Variants in RNF157 observed in about 807,000 individuals in gnomAD.
The protein encoded by RNF157 is E3 ubiquitin ligase RNF157.
In RNF157, 55 loss-of-function variants were observed where a neutral mutation model predicts 88.3. That is an observed-to-expected ratio of 0.62 (90% CI 0.50 to 0.78). The LOEUF (loss-of-function observed/expected upper bound fraction) is 0.78. RNF157 is among the 30% of genes least tolerant of loss of function. The pLI is 0.00. For synonymous variants in RNF157, 334 were observed against 341.2 expected, an observed-to-expected ratio of 0.98 and a Z score of 0.23; for missense variants, 788 against 860.8, an observed-to-expected ratio of 0.92 and a Z score of 1.06.
intron 2 of RNF157, among the ~76,000 whole-genome samples, chr17:76,206,270 T>C (rs1419622489): frequency 6.6e-6 from 1 of 152,108 alleles, no homozygotes; most frequent in Non-Finnish European, 1.5e-5. Context: ...AAGGCATTAC[T>C]TGACTAATTT....
chr17:76,210,601 A>AAAAAAAAAAAAGAAAG (rs777083177), intron 2 of RNF157, among the ~76,000 whole-genome samples: 1 of 148,414 alleles, frequency 6.7e-6, no homozygotes, highest in African/African-American at 2.5e-5. Flanking sequence ...AAAAAAAAAA[A>AAAAAAAAAAAAGAAAG]AAAGAAAGAA....
chr17:76,225,943 G>A (rs1260520702), intron 1 of RNF157: 5 of 1,612,142 alleles, frequency 3.1e-6, no homozygotes, highest in Admixed American at 3.4e-5. Flanking sequence ...CTGCTGTCTT[G>A]TTTTGCTCCA....
At chr17:76,169,460 T>C (rs550861022) in intron 3 of RNF157, among the ~76,000 whole-genome samples, 124 of 152,102 alleles carry the variant, frequency 8.2e-4, no homozygotes, top group Non-Finnish European at 1.5e-3. Flanking sequence ...TATATAGAGA[T>C]GGGGTCTCAC....
chr17:76,233,005 C>G (rs922843499), intron 1 of RNF157, among the ~76,000 whole-genome samples: 6 of 152,020 alleles, frequency 3.9e-5, no homozygotes, highest in African/African-American at 1.5e-4. Context: ...ACTGCAACCT[C>G]TGCCTCCTGG....
chr17:76,188,235 C>G lies in RNF157; in HGVS notation c.208-14445G>C, dbSNP rs143655955. 4.6e-4 allele frequency among the ~76,000 whole-genome samples: 70 copies of G among 152,334 alleles called. No individual in the cohort carries two copies. The East Asian group carries it at 0.012, about 26-fold the overall frequency. On this transcript the variant is annotated intron_variant, in intron 2 of 18. Coordinates refer to ENST00000269391, the MANE Select transcript of RNF157 (RefSeq NM_052916.3). ...CCAACTCCAAGGTGACTTACGTTCTCTTGTACTGCATCCCACGGCCTCCTA... is the reference window on the plus strand; with the variant it reads ...CCAACTCCAAGGTGACTTACGTTCTGTTGTACTGCATCCCACGGCCTCCTA...
chr17:76,150,251 A>G (rs1383428588), intron 18 of RNF157, among the ~76,000 whole-genome samples: 1 of 152,026 alleles, frequency 6.6e-6, no homozygotes, highest in African/African-American at 2.4e-5. Context: ...CTCTCCCGAG[A>G]GCCAACACAG....
rs881502 is a variant in RNF157 at position 76,156,285 on chromosome 17, A to C, written c.1450T>G (p.Leu484Val). The change falls in exon 14 of 19, where the codon TTG becomes GTG. Residue 484 changes from leucine (L) to valine (V), a missense_variant. Leu to Val is a conservative substitution (Grantham distance 32). Transcript: ENST00000269391. ...TGGTCAATAGCTCCAGATGACGACA[A>C]GGTGAGATTCTCACTTTCTGGAGTC... ...GVTPESENLTLSSSGAIDQSS... is the reference protein window; with the variant it reads ...GVTPESENLTVSSSGAIDQSS... 8 of 1,613,776 alleles carry C rather than the reference A, an allele frequency of 5.0e-6. No individual in the cohort carries two copies. Among genetic ancestry groups the C allele is most frequent in the Non-Finnish European group, 5.1e-6 (6 of 1,179,920 alleles).
intron 9 of RNF157, 103 bp from the exon 10 acceptor site, chr17:76,162,105 AC>A (rs1216979090): frequency 8.3e-7 from 1 of 1,208,246 alleles, no homozygotes; most frequent in African/African-American, 1.5e-5. Context: ...AGTAATAATT[AC>A]GAACAAAATC....
rs112747243 is a variant in RNF157, at chr17:76,197,475, C to A, written c.207+14889G>T. ...GCCAGGTGTTTGAGACCACCCTGGG[C>A]AACACAGCAAGACCCCATCTTTATA... On this transcript the variant is annotated intron_variant, in intron 2 of 18. Coordinates refer to ENST00000269391, the MANE Select transcript of RNF157 (RefSeq NM_052916.3). Among the ~76,000 whole-genome samples, 1,278 of 152,010 alleles carry A rather than the reference C, an allele frequency of 8.4e-3. 19 individuals carry two copies. The highest frequency in any genetic ancestry group is 0.029 in the African/African-American group (1,196 of 41,454).
chr17:76,225,580 G>C lies in RNF157; in HGVS notation c.89-13098C>G, dbSNP rs887243805. Among the ~76,000 whole-genome samples the C allele has an allele frequency of 5.3e-5, 8 of 151,126 alleles. No homozygotes were observed. The South Asian group carries it at 1.3e-3, about 24-fold the overall frequency. ...GAATGCACATATTGATCTGCAAGTT[G>C]CTTTCACCTAATATACTGTAGGCAT... On this transcript the variant is annotated intron_variant, in intron 1 of 18. Transcript: ENST00000269391.
chr17:76,144,529 GAT>G lies in RNF157; in HGVS notation c.*704_*705del, dbSNP rs2068556950. ...TCGCCGTGTTAGCCAGGATGGTCTC[GAT>G]CTCCTGATCTCATGATCCACCCGCC... On this transcript the variant is annotated 3_prime_UTR_variant, in exon 19 of 19. Transcript: ENST00000269391. 1 of 152,136 alleles carries G rather than the reference GAT, an allele frequency of 6.6e-6. No homozygotes were observed. The highest frequency in any genetic ancestry group is 2.4e-5 in the African/African-American group (1 of 41,406). 9.4% of individuals were successfully genotyped at this position (152,136 alleles called of 1,614,324 possible).
In RNF157 at chr17:76,182,771, A is replaced by G. The variant is rs967180824; in HGVS notation, c.208-8981T>C. Reference sequence around the variant, plus strand: ...TTCAGGCCTCGTCTCATATATATATATATATATATATATATATGAGAGATA... The same window carrying G: ...TTCAGGCCTCGTCTCATATATATATGTATATATATATATATATGAGAGATA... On this transcript the variant is annotated intron_variant, in intron 2 of 18. Coordinates refer to ENST00000269391, the MANE Select transcript of RNF157 (RefSeq NM_052916.3). Among the ~76,000 whole-genome samples the G allele has an allele frequency of 1.3e-3, 186 of 138,608 alleles. 8 individuals carry two copies. The highest frequency in any genetic ancestry group is 4.8e-3 in the African/African-American group (167 of 34,588). 90.9% of individuals were successfully genotyped at this position (138,608 alleles called of 152,430 possible).
At chr17:76,155,361 C>G in intron 15 of RNF157, 44 bp from the exon 16 acceptor site, 1 of 1,594,768 alleles carries the variant, frequency 6.3e-7, no homozygotes, top group Non-Finnish European at 8.6e-7. Flanking sequence ...ATAAAGGTCT[C>G]GTGACAGCAA....
chr17:76,161,446 C>T lies in RNF157; in HGVS notation c.1065+89G>A, dbSNP rs2068842556. 2.0e-6 allele frequency: 2 copies of T among 1,009,406 alleles called. No individual in the cohort carries two copies. The highest frequency in any genetic ancestry group is 1.6e-5 in the African/African-American group (1 of 63,470). The allele number at this position is 1,009,406 out of a possible 1,614,324, so 62.5% of individuals were successfully genotyped here. On this transcript the variant is annotated intron_variant, in intron 11 of 18. Coordinates refer to ENST00000269391, the MANE Select transcript of RNF157 (RefSeq NM_052916.3). This position sits in a 1 kb window ranked among gnomAD's most constrained non-coding sequence, Gnocchi z 4.6. ...CAGCATGCCCTGGTCTAATTCCTTG[C>T]TGCAATGCCACGTAGAGAAGCATGA... is the stretch of plus-strand genomic sequence containing the variant.
intron 1 of RNF157, among the ~76,000 whole-genome samples, chr17:76,224,056 T>C (rs1287928460): frequency 1.3e-5 from 2 of 152,176 alleles, no homozygotes; most frequent in Admixed American, 1.3e-4. Context: ...AAAGGGAACT[T>C]GCATTACACT....
At chr17:76,174,760 T>C (rs1207407108) in intron 2 of RNF157, among the ~76,000 whole-genome samples, 1 of 152,230 alleles carries the variant, frequency 6.6e-6, no homozygotes, top group Non-Finnish European at 1.5e-5. Flanking sequence ...AACAATATAG[T>C]TAAACCATAG....
At chr17:76,170,795 ATG>A (rs2069000858) in intron 3 of RNF157, among the ~76,000 whole-genome samples, 1 of 152,086 alleles carries the variant, frequency 6.6e-6, no homozygotes, top group Non-Finnish European at 1.5e-5. Flanking sequence ...AACGTTCACT[ATG>A]TGTTTCCAGC....
intron 2 of RNF157, among the ~76,000 whole-genome samples, chr17:76,210,165 A>G (rs1260964274): frequency 6.6e-6 from 1 of 152,244 alleles, no homozygotes; most frequent in East Asian, 1.9e-4. Flanking sequence ...TTACCAAGGC[A>G]GTAGTAACAA....
At chr17:76,145,421 G>A in intron 18 of RNF157, 68 bp from the exon 19 acceptor site, 1 of 1,214,066 alleles carries the variant, frequency 8.2e-7, no homozygotes, top group South Asian at 1.3e-5. Context: ...GTCTCCAGCA[G>A]GGCAGCCCAG....
Sources: allele counts gnomAD v4.1 joint callset (sites outside exome capture counted in the v4.1 genomes callset), GRCh38; gene constraint gnomAD v4.1.1; non-coding constraint Gnocchi (gnomAD v3.1); transcripts MANE v1.5; gene names NCBI Gene and HGNC (gene_info 2026-07-23, HGNC 2026-07-21).